The following GRIK1 variants were observed in gnomAD, a reference collection of about 807,000 sequenced individuals.
The protein encoded by GRIK1 is glutamate receptor ionotropic, kainate 1.
Under a neutral mutation model 105.7 loss-of-function variants are expected in GRIK1, and 69 were observed. That is an observed-to-expected ratio of 0.65 (90% CI 0.54 to 0.80). The LOEUF (loss-of-function observed/expected upper bound fraction) is 0.80, where lower values mean the gene tolerates loss of function less well. GRIK1 is among the 30% of genes least tolerant of loss of function. GRIK1 has a pLI of 0.00. For missense variants in GRIK1, 1,109 were observed against 1,167.3 expected (o/e 0.95, Z 0.73); for synonymous variants, 438 against 431.3 (o/e 1.02, Z -0.19).
At chr21:29,854,866 T>C (rs1026725782) in intron 1 of GRIK1, among the ~76,000 whole-genome samples, 1 of 152,202 alleles carries the variant, frequency 6.6e-6, no homozygotes, top group African/African-American at 2.4e-5. Flanking sequence ...TCTAAGAAAC[T>C]AGCTGGCTGA....
intron 7 of GRIK1, among the ~76,000 whole-genome samples, chr21:29,625,625 T>C (rs111880800): frequency 8.2e-4 from 125 of 152,240 alleles, no homozygotes; most frequent in Middle Eastern, 6.8e-3. Flanking sequence ...TGACAAGCAC[T>C]CCCCCATATC....
At chr21:29,855,548 C>G (rs2068437897) in intron 1 of GRIK1, among the ~76,000 whole-genome samples, 1 of 152,284 alleles carries the variant, frequency 6.6e-6, no homozygotes, top group South Asian at 2.1e-4. Context: ...TAGGCAGAAG[C>G]CAGGTGGGCC....
intron 1 of GRIK1, among the ~76,000 whole-genome samples, chr21:29,797,905 C>T (rs1258611079): frequency 6.6e-6 from 1 of 152,176 alleles, no homozygotes; most frequent in East Asian, 1.9e-4. Context: ...CTGCATCCTA[C>T]ACTCTTCATG....
At chr21:29,761,792 G>T (rs1321601804) in intron 1 of GRIK1, among the ~76,000 whole-genome samples, 2 of 137,380 alleles carry the variant, frequency 1.5e-5, no homozygotes, top group African/African-American at 2.7e-5. Context: ...TTGTTGCCCA[G>T]GCTGGAGTGA....
intron 11 of GRIK1, among the ~76,000 whole-genome samples, chr21:29,587,930 TGAG>T (rs1168652307): frequency 6.6e-6 from 1 of 150,772 alleles, no homozygotes; most frequent in Non-Finnish European, 1.5e-5. Flanking sequence ...ATTGACATGA[TGAG>T]ATTTTGCTCT....
chr21:29,796,368 C>T (rs568588137), intron 1 of GRIK1, among the ~76,000 whole-genome samples: 6 of 152,036 alleles, frequency 3.9e-5, no homozygotes, highest in African/African-American at 1.4e-4. Flanking sequence ...TAAACTGCCC[C>T]AATCAATTTA....
intron 1 of GRIK1, among the ~76,000 whole-genome samples, chr21:29,799,755 C>T (rs997219947): frequency 4.6e-5 from 7 of 152,122 alleles, no homozygotes; most frequent in Non-Finnish European, 7.3e-5. Context: ...GTCTTGAACT[C>T]CTGACCCCAA....
At chr21:29,632,843 C>A (rs761203492) in intron 7 of GRIK1, among the ~76,000 whole-genome samples, 1 of 152,190 alleles carries the variant, frequency 6.6e-6, no homozygotes, top group Admixed American at 6.5e-5. Flanking sequence ...GAGGCCAACA[C>A]TCCCTTGCAA....
chr21:29,748,094 A>G (rs1445508111), intron 1 of GRIK1: 1 of 152,166 alleles, frequency 6.6e-6, no homozygotes. Context: ...TTAAGTATTC[A>G]TTTAAGTTCT....
At chr21:29,914,587 C>T (rs1163159022) in intron 1 of GRIK1, among the ~76,000 whole-genome samples, 1 of 152,098 alleles carries the variant, frequency 6.6e-6, no homozygotes, top group Non-Finnish European at 1.5e-5. Context: ...CACAAACAGG[C>T]CAGTTTCCTT....
chr21:29,916,409 G>A (rs1387355506), intron 1 of GRIK1, among the ~76,000 whole-genome samples: 5 of 152,004 alleles, frequency 3.3e-5, no homozygotes, highest in Middle Eastern at 3.4e-3. Context: ...TTAAGAAGCA[G>A]CAGCATTAGT....
At chr21:29,679,330 G>A (rs2063330479) in intron 3 of GRIK1, among the ~76,000 whole-genome samples, 2 of 152,144 alleles carry the variant, frequency 1.3e-5, no homozygotes, top group Admixed American at 6.5e-5. Flanking sequence ...TGGCTGTGAT[G>A]TGTTGAGAAA....
chr21:29,771,991 C>G (rs1159580793), intron 1 of GRIK1, among the ~76,000 whole-genome samples: 1 of 152,230 alleles, frequency 6.6e-6, no homozygotes, highest in Non-Finnish European at 1.5e-5. Flanking sequence ...CCAAGTCCCC[C>G]AGTTGTTTGA....
chr21:29,678,605 G>A (rs1363756664), intron 3 of GRIK1, among the ~76,000 whole-genome samples: 2 of 152,178 alleles, frequency 1.3e-5, no homozygotes, highest in South Asian at 2.1e-4. Flanking sequence ...TCAAAGAACC[G>A]AGGTGGGAGA....
intron 1 of GRIK1, among the ~76,000 whole-genome samples, chr21:29,929,073 A>T (rs1286256944): frequency 6.6e-6 from 1 of 152,184 alleles, no homozygotes; most frequent in Non-Finnish European, 1.5e-5. Context: ...GCAGCATATC[A>T]GTTCATCCCA....
chr21:29,887,051 A>C (rs1220287725), intron 1 of GRIK1, among the ~76,000 whole-genome samples: 1 of 152,164 alleles, frequency 6.6e-6, no homozygotes, highest in Non-Finnish European at 1.5e-5. Context: ...TAGGCATGTC[A>C]ACTTATACTA....
At chr21:29,871,951 A>G (rs183741282) in intron 1 of GRIK1, among the ~76,000 whole-genome samples, 1 of 145,946 alleles carries the variant, frequency 6.9e-6, no homozygotes, top group Non-Finnish European at 1.6e-5. Flanking sequence ...TTTTGTAGAG[A>G]GTGGGTTTCG....
chr21:29,553,749 A>C, intron 16 of GRIK1: 8 of 1,267,064 alleles, frequency 6.3e-6, no homozygotes, highest in African/African-American at 1.5e-5. Context: ...AAAATGAATA[A>C]ATCAGAAGCA....
At chr21:29,773,597 C>T (rs1217605290) in intron 1 of GRIK1, among the ~76,000 whole-genome samples, 2 of 152,116 alleles carry the variant, frequency 1.3e-5, no homozygotes, top group Non-Finnish European at 2.9e-5. Context: ...CTAGATCATC[C>T]CGCTTGGATT....
Sources: gnomAD v4.1 joint callset for allele counts (sites outside exome capture counted in the v4.1 genomes callset) on GRCh38, gnomAD v4.1.1 for gene constraint, MANE v1.5 for transcripts, NCBI Gene and HGNC (gene_info 2026-07-23, HGNC 2026-07-21) for gene names.